IBTK: variants seen among roughly 807,000 people sequenced by gnomAD.
IBTK encodes the protein BTK-binding protein.
IBTK carries 83 observed loss-of-function variants against 154.9 expected under a neutral mutation model. The observed-to-expected ratio is 0.54, with a 90% CI of 0.45 to 0.64. The LOEUF (loss-of-function observed/expected upper bound fraction) is 0.64. Ranked by LOEUF, IBTK falls within the 30% of genes least tolerant of loss-of-function variation. The probability of loss-of-function intolerance (pLI) is 0.00; values close to 1 mark genes in which losing one functional copy is unlikely to be tolerated. For missense variants in IBTK, 1,332 were observed against 1,584.6 expected, an observed-to-expected ratio of 0.84 and a Z score of 2.71; for synonymous variants, 515 against 536.1, an observed-to-expected ratio of 0.96 and a Z score of 0.54.
rs80141779 is a variant in IBTK at position 82,228,023 on chromosome 6, G to C, written c.544-721C>G. ...ACTGCCTCAGCAGAACACAATAACA[G>C]GAAACCATCAGCAGTTTCAAATATA... On this transcript the variant is annotated intron_variant, in intron 4 of 28. Coordinates refer to ENST00000306270, the MANE Select transcript of IBTK (RefSeq NM_015525.4). Among the ~76,000 whole-genome samples the C allele has an allele frequency of 9.5e-4, 145 of 151,872 alleles. 2 individuals are homozygous for C. In the East Asian group the frequency reaches 0.026, roughly 28 times the overall value.
intron 1 of IBTK, among the ~76,000 whole-genome samples, chr6:82,241,385 C>G: frequency 6.6e-6 from 1 of 152,208 alleles, no homozygotes; most frequent in East Asian, 1.9e-4. Context: ...TCATCAGTTA[C>G]TCCGTTTTTA....
At chr6:82,220,438 G>A (rs1770054381) in intron 9 of IBTK, 152 bp downstream of exon 9, 3 of 644,148 alleles carry the variant, frequency 4.7e-6, no homozygotes, top group Non-Finnish European at 7.3e-6. Flanking sequence ...ATTAGTAATG[G>A]ATGTCTAAAA....
At chr6:82,196,930 T>C (rs774122388) in intron 21 of IBTK, among the ~76,000 whole-genome samples, 1 of 152,184 alleles carries the variant, frequency 6.6e-6, no homozygotes, top group Non-Finnish European at 1.5e-5. Context: ...ACTGACCCCA[T>C]AGCAGAGGCT....
intron 20 of IBTK, 60 bp downstream of exon 20, chr6:82,200,527 A>C: frequency 7.4e-7 from 1 of 1,355,036 alleles, no homozygotes; most frequent in Non-Finnish European, 9.8e-7. Context: ...GTGAAGGGAC[A>C]CACTGGAGAA....
chr6:82,215,312 T>C (rs1390655625), intron 11 of IBTK, among the ~76,000 whole-genome samples: 1 of 152,216 alleles, frequency 6.6e-6, no homozygotes, highest in Non-Finnish European at 1.5e-5. Flanking sequence ...TTTATCTTAA[T>C]CTGATACCTC....
chr6:82,242,698 G>T (rs1347850573), intron 1 of IBTK, among the ~76,000 whole-genome samples: 1 of 152,122 alleles, frequency 6.6e-6, no homozygotes, highest in Non-Finnish European at 1.5e-5. Flanking sequence ...TGTAATCCCA[G>T]CACTTTGGGA....
intron 20 of IBTK, 36 bp from the exon 21 acceptor site, chr6:82,200,289 G>A: frequency 7.1e-7 from 1 of 1,412,854 alleles, no homozygotes; most frequent in Non-Finnish European, 1.0e-6. Flanking sequence ...GCAGTGTTTA[G>A]GGAGGTAACT....
At position 82,223,989 on chromosome 6, in the gene IBTK, C is replaced by A; in HGVS notation, c.943+79G>T. 3.7e-6 allele frequency: 3 copies of A among 819,840 alleles called. No individual in the cohort carries two copies. In the South Asian group the frequency reaches 4.9e-5, roughly 13 times the overall value. The allele number at this position is 819,840 out of a possible 1,614,324, so 50.8% of individuals were successfully genotyped here. ...AAATCACTCATAATCTCATTCTAAT[C>A]AATAAAAATTAAAAAGAAAAGATAA... On this transcript the variant is annotated intron_variant, in intron 7 of 28. Transcript: ENST00000306270.
chr6:82,185,449 G>A (rs1768512277), intron 25 of IBTK, among the ~76,000 whole-genome samples: 2 of 151,120 alleles, frequency 1.3e-5, no homozygotes, highest in Admixed American at 6.6e-5. Context: ...AGCTACTCAG[G>A]AGGCTGAGGT....
chr6:82,173,495 G>T, intron 26 of IBTK, 57 bp from the exon 27 acceptor site: 1 of 1,387,776 alleles, frequency 7.2e-7, no homozygotes, highest in Non-Finnish European at 1.0e-6. Flanking sequence ...TAGTCAAACT[G>T]CTTATTAATA....
intron 8 of IBTK, among the ~76,000 whole-genome samples, chr6:82,222,066 G>A (rs965992818): frequency 1.3e-5 from 2 of 151,902 alleles, no homozygotes; most frequent in African/African-American, 4.8e-5. Flanking sequence ...TAATCGGGAG[G>A]CTGAGGCAGA....
intron 12 of IBTK, among the ~76,000 whole-genome samples, chr6:82,213,559 G>T (rs2127814656): frequency 6.6e-6 from 1 of 152,280 alleles, no homozygotes; most frequent in East Asian, 1.9e-4. Flanking sequence ...AGAAACTGAA[G>T]TAAGAAGGAT....
rs1428638354 is a variant in IBTK, at chr6:82,220,593, T to C, written c.1245A>G (p.Gly415=). The part of the protein sequence containing the change: ...KICILAMDGA[G]RVFCWRSVNS... ...TTTTACATAAACATGTACTTACCCT[T>C]CCAGCTCCATCCATTGCAAGAATGC... Residue 415 remains glycine, a synonymous_variant, in exon 9 of 29, where the codon GGA becomes GGG. Transcript: ENST00000306270. The C allele has an allele frequency of 6.2e-7, 1 of 1,609,008 alleles. No individual in the cohort carries two copies. Among genetic ancestry groups the C allele is most frequent in the African/African-American group, 1.3e-5 (1 of 74,540 alleles).
At position 82,240,507 on chromosome 6, in the gene IBTK, T is replaced by C. The variant is rs1770899603; in HGVS notation, c.-21A>G. ...CTCATCCTAACTGTTTTTATACCAC[T>C]TACTTCAGAATCGTGAAAACTAATT... On this transcript the variant is annotated 5_prime_UTR_variant, in exon 2 of 29. Coordinates refer to ENST00000306270, the MANE Select transcript of IBTK (RefSeq NM_015525.4). The C allele has an allele frequency of 6.3e-7, 1 of 1,590,698 alleles. No individual in the cohort carries two copies. The highest frequency in any genetic ancestry group is 1.3e-5 in the African/African-American group (1 of 74,448).
intron 20 of IBTK, 97 bp downstream of exon 20, chr6:82,200,490 C>A: frequency 8.8e-7 from 1 of 1,134,604 alleles, no homozygotes; most frequent in Admixed American, 3.0e-5. Context: ...AATACCAACA[C>A]AAAAGTGTCA....
At chr6:82,217,896 A>C (rs539994936) in intron 10 of IBTK, 64 bp downstream of exon 10, 2 of 1,146,608 alleles carry the variant, frequency 1.7e-6, no homozygotes, top group Admixed American at 5.2e-5. Flanking sequence ...GTTGAACCTA[A>C]TACTTGTCAA....
intron 26 of IBTK, among the ~76,000 whole-genome samples, chr6:82,181,634 T>C (rs564981708): frequency 1.3e-5 from 2 of 151,566 alleles, no homozygotes; most frequent in Non-Finnish European, 2.9e-5. Context: ...GGTGTATATA[T>C]ACGCTGAAAC....
chr6:82,210,417 T>C (rs1582221294), intron 16 of IBTK: 3 of 152,194 alleles, frequency 2.0e-5, no homozygotes, highest in South Asian at 4.2e-4. Flanking sequence ...CCAGTTTTAG[T>C]ATACTTGCTG....
chr6:82,213,343 A>G (rs1372714501), intron 12 of IBTK, among the ~76,000 whole-genome samples: 1 of 152,134 alleles, frequency 6.6e-6, no homozygotes, highest in East Asian at 1.9e-4. Context: ...CATTATTTTT[A>G]AACAGGAAAC....
Sources: allele counts gnomAD v4.1 joint callset (sites outside exome capture counted in the v4.1 genomes callset), GRCh38; gene constraint gnomAD v4.1.1; transcripts MANE v1.5; gene names NCBI Gene and HGNC (gene_info 2026-07-23, HGNC 2026-07-21).